Variants in SCN7A observed in about 807,000 individuals in gnomAD.
The protein encoded by SCN7A is sodium channel protein type 7 subunit alpha.
In SCN7A, 138 loss-of-function variants were observed where a neutral mutation model predicts 155.2. That is an observed-to-expected ratio of 0.89 (90% CI 0.77 to 1.02). The LOEUF (loss-of-function observed/expected upper bound fraction) is 1.02, where lower values mean the gene tolerates loss of function less well. Among genes scored for constraint, SCN7A ranks in the 50% least tolerant of loss-of-function variants. SCN7A has a pLI of 0.00. For synonymous variants in SCN7A, 693 were observed against 649.0 expected (o/e 1.07, Z -1.03); for missense variants, 2,058 against 1,986.6 (o/e 1.04, Z -0.68).
intron 12 of SCN7A, among the ~76,000 whole-genome samples, chr2:166,446,871 C>T (rs541091013): frequency 4.6e-5 from 7 of 152,034 alleles, no homozygotes; most frequent in African/African-American, 1.2e-4. Flanking sequence ...AGGGACCTGT[C>T]GGTGGGTAGG....
At chr2:166,491,499 T>A (rs1396535463) in intron 1 of SCN7A, among the ~76,000 whole-genome samples, 1 of 152,168 alleles carries the variant, frequency 6.6e-6, no homozygotes, top group Non-Finnish European at 1.5e-5. Flanking sequence ...TGTAAAATAA[T>A]AATCTTAGCT....
At chr2:166,407,840 C>T (rs1701108453) in intron 25 of SCN7A, among the ~76,000 whole-genome samples, 2 of 152,024 alleles carry the variant, frequency 1.3e-5, no homozygotes, top group South Asian at 4.2e-4. Context: ...TTTGCTGCAC[C>T]TATCGACCTG....
intron 21 of SCN7A, among the ~76,000 whole-genome samples, chr2:166,414,275 TATATATATATACACACAC>T (rs1328078859): frequency 0.073 from 2,746 of 37,864 alleles, 162 homozygotes; most frequent in African/African-American, 0.11. Flanking sequence ...CACACACATA[TATATATATATACACACAC>T]ATATATATAT....
chr2:166,431,861 C>G (rs1464653062), intron 16 of SCN7A, among the ~76,000 whole-genome samples: 1 of 152,070 alleles, frequency 6.6e-6, no homozygotes, highest in African/African-American at 2.4e-5. Flanking sequence ...TTGTAGCACT[C>G]TTCTAATTCA....
At chr2:166,432,090 T>A (rs1438335952) in intron 16 of SCN7A, among the ~76,000 whole-genome samples, 2 of 152,046 alleles carry the variant, frequency 1.3e-5, no homozygotes, top group African/African-American at 4.8e-5. Flanking sequence ...CCCCCCTCCA[T>A]GGACTAAATA....
chr2:166,427,633 T>C lies in SCN7A; in HGVS notation c.2853+155A>G, dbSNP rs145836806. ...ATAAACTTTCTAAGAAAGTATATTA[T>C]TTAGATTTTAAATCACAGATTATGA... is the stretch of plus-strand genomic sequence containing the variant. On this transcript the variant is annotated intron_variant, in intron 18 of 25. Transcript: ENST00000643258. Among the ~76,000 whole-genome samples the C allele has an allele frequency of 4.5e-3, 679 of 152,208 alleles. 2 individuals are homozygous for C. Among genetic ancestry groups the C allele is most frequent in the African/African-American group, 0.015 (628 of 41,558 alleles).
chr2:166,471,411 A>C (rs1702651453), intron 6 of SCN7A, among the ~76,000 whole-genome samples: 1 of 151,896 alleles, frequency 6.6e-6, no homozygotes, highest in African/African-American at 2.4e-5. Context: ...GGGCTCTGTA[A>C]GTGTTAGCTA....
At chr2:166,466,650 A>G (rs80300856) in intron 7 of SCN7A, among the ~76,000 whole-genome samples, 1 of 151,954 alleles carries the variant, frequency 6.6e-6, no homozygotes, top group Non-Finnish European at 1.5e-5. Context: ...TTTTGTATAT[A>G]AACTTTCTTT....
rs1323584163 is a variant in SCN7A at position 166,423,406 on chromosome 2, C to G, written c.2880G>C (p.Gln960His). The G allele has an allele frequency of 1.3e-6, 2 of 1,591,622 alleles. No homozygotes were observed. The highest frequency in any genetic ancestry group is 1.7e-6 in the Non-Finnish European group (2 of 1,170,474). Residue 960 changes from glutamine (Q) to histidine (H), a missense_variant, in exon 19 of 26, where the codon CAG becomes CAC. Transcript: ENST00000643258. ...TLAFEDIYMDQRKTIKILLEY... is the reference protein window; with the variant it reads ...TLAFEDIYMDHRKTIKILLEY... ...CTAATAAAATTTTAATTGTCTTTCT[C>G]TGATCCATATATATATCTTCAAAAG...
chr2:166,445,259 T>C (rs1366485441), intron 12 of SCN7A, among the ~76,000 whole-genome samples: 1 of 150,974 alleles, frequency 6.6e-6, no homozygotes, highest in African/African-American at 2.4e-5. Flanking sequence ...GAGATTGCAG[T>C]GAGCTGAGAT....
At chr2:166,414,175 G>T (rs1575003470) in intron 21 of SCN7A, among the ~76,000 whole-genome samples, 7 of 46,464 alleles carry the variant, frequency 1.5e-4, no homozygotes, top group East Asian at 4.9e-4. Flanking sequence ...TTATATATAT[G>T]TAAATATATA....
At chr2:166,472,267 C>T (rs1038724935) in intron 6 of SCN7A, 50 bp downstream of exon 6, 3 of 1,512,832 alleles carry the variant, frequency 2.0e-6, no homozygotes, top group Admixed American at 4.7e-5. Context: ...TTATGAAAAA[C>T]ATTTTCTGAG....
chr2:166,477,658 G>A lies in SCN7A; in HGVS notation c.39C>T (p.Phe13=). The change falls in exon 3 of 26, where the codon TTC becomes TTT. Residue 13 remains phenylalanine (F), a synonymous_variant. Transcript: ENST00000643258. ...TTATAAGTTCAAAAGACTCTTTAGT[G>A]AAGGGAACAAGGCCCTTAGGTTCTG... ...ASPEPKGLVP[F]TKESFELIKQ... is the part of the protein sequence containing the mutation. The A allele has an allele frequency of 6.2e-7, 1 of 1,605,522 alleles. No homozygotes were observed. The highest frequency in any genetic ancestry group is 8.5e-7 in the Non-Finnish European group (1 of 1,175,818).
At chr2:166,473,546 G>C (rs1008461648) in intron 5 of SCN7A, among the ~76,000 whole-genome samples, 10 of 151,600 alleles carry the variant, frequency 6.6e-5, no homozygotes, top group Non-Finnish European at 1.0e-4. Context: ...AACAGAAAGG[G>C]AGAAAGTGAT....
intron 3 of SCN7A, among the ~76,000 whole-genome samples, chr2:166,475,635 T>C (rs1559125627): frequency 6.6e-6 from 1 of 152,062 alleles, no homozygotes; most frequent in East Asian, 1.9e-4. Context: ...GTGCTTTTCA[T>C]GCTATTTTCC....
At chr2:166,448,466 T>C (rs1022216412) in intron 11 of SCN7A, among the ~76,000 whole-genome samples, 2 of 152,200 alleles carry the variant, frequency 1.3e-5, no homozygotes, top group Admixed American at 6.5e-5. Context: ...TTTGAGTACA[T>C]ACCCTGCAGT....
intron 3 of SCN7A, 118 bp from the exon 4 acceptor site, chr2:166,474,462 C>T: frequency 8.0e-6 from 3 of 376,112 alleles, no homozygotes; most frequent in Middle Eastern, 6.9e-4. Flanking sequence ...CCATACTCTT[C>T]TTTTTTTATA....
In SCN7A at chr2:166,481,038, G is replaced by A. The variant is rs181958812; in HGVS notation, c.-14-3328C>T. ...TAAGGACTCCAGGTTTTTGTCTAAA[G>A]GCTGGTGGCCAATGGATACGACATA... On this transcript the variant is annotated intron_variant, in intron 2 of 25. Transcript: ENST00000643258. Among the ~76,000 whole-genome samples the A allele has an allele frequency of 3.3e-5, 5 of 152,260 alleles. No individual in the cohort carries two copies. In the East Asian group the frequency reaches 9.7e-4, roughly 29 times the overall value.
At chr2:166,460,658 C>T (rs1023680297) in intron 10 of SCN7A, among the ~76,000 whole-genome samples, 1 of 151,880 alleles carries the variant, frequency 6.6e-6, no homozygotes, top group Admixed American at 6.6e-5. Flanking sequence ...AAACTGAAGG[C>T]AGATAGGAGG....
Sources: allele counts gnomAD v4.1 joint callset (sites outside exome capture counted in the v4.1 genomes callset), GRCh38; gene constraint gnomAD v4.1.1; transcripts MANE v1.5; gene names NCBI Gene and HGNC (gene_info 2026-07-23, HGNC 2026-07-21).